The following FBXW7 variants were observed in gnomAD, a reference collection of about 807,000 sequenced individuals.
FBXW7 encodes the protein F-box/WD repeat-containing protein 7.
In FBXW7, 11 loss-of-function variants were observed where a neutral mutation model predicts 86.3. That is an observed-to-expected ratio of 0.13 (90% confidence interval 0.08 to 0.21). FBXW7 has a LOEUF of 0.21. FBXW7 is among the 10% of genes least tolerant of loss of function. FBXW7 has a pLI of 1.00. For synonymous variants in FBXW7, 313 were observed against 297.9 expected, an observed-to-expected ratio of 1.05 and a Z score of -0.52; for missense variants, 488 against 847.4, an observed-to-expected ratio of 0.58 and a Z score of 5.27.
intron 2 of FBXW7, among the ~76,000 whole-genome samples, chr4:152,467,535 A>G (rs909895926): frequency 2.0e-5 from 3 of 152,246 alleles, no homozygotes; most frequent in Non-Finnish European, 4.4e-5. Flanking sequence ...TCACAAGACT[A>G]ATATCAATAA....
At chr4:152,490,334 T>G (rs1465916077) in intron 2 of FBXW7, among the ~76,000 whole-genome samples, 1 of 152,154 alleles carries the variant, frequency 6.6e-6, no homozygotes, top group African/African-American at 2.4e-5. Flanking sequence ...TTTTATACTA[T>G]GTATATTTTG....
chr4:152,443,203 G>A (rs945930677), intron 2 of FBXW7, among the ~76,000 whole-genome samples: 7 of 152,040 alleles, frequency 4.6e-5, no homozygotes, highest in African/African-American at 1.4e-4. Flanking sequence ...CGGAGGTTGT[G>A]GTGAGCCGAA....
chr4:152,389,137 A>G lies in FBXW7; in HGVS notation c.501+22166T>C, dbSNP rs1735784372. ...TTATTAAAAAGACAAAAAATAATAGATGTTGGCGAGGATGTGGAGAAAAAG... is the reference window on the plus strand; with the variant it reads ...TTATTAAAAAGACAAAAAATAATAGGTGTTGGCGAGGATGTGGAGAAAAAG... On this transcript the variant is annotated intron_variant, in intron 4 of 13. Coordinates refer to ENST00000281708, the MANE Select transcript of FBXW7 (RefSeq NM_001349798.2). Among the ~76,000 whole-genome samples, 3 of 152,084 alleles carry G rather than the reference A, an allele frequency of 2.0e-5. No homozygotes were observed. In the South Asian group the frequency reaches 6.2e-4, roughly 32 times the overall value.
At chr4:152,520,035 T>C (rs554225562) in intron 2 of FBXW7, among the ~76,000 whole-genome samples, 6 of 152,328 alleles carry the variant, frequency 3.9e-5, no homozygotes, top group African/African-American at 1.4e-4. Context: ...ATTCAATACA[T>C]GGTAATAATA....
At chr4:152,395,055 T>C (rs2126821006) in intron 4 of FBXW7, among the ~76,000 whole-genome samples, 1 of 152,166 alleles carries the variant, frequency 6.6e-6, no homozygotes, top group South Asian at 2.1e-4. Flanking sequence ...TGCATAAGTG[T>C]GTGTGTGTGA....
At chr4:152,520,943 G>A (rs545419720) in intron 2 of FBXW7, among the ~76,000 whole-genome samples, 1 of 152,290 alleles carries the variant, frequency 6.6e-6, no homozygotes, top group South Asian at 2.1e-4. Context: ...AATATTTGCT[G>A]AACACCTATG....
At chr4:152,488,710 T>C (rs1745568780) in intron 2 of FBXW7, among the ~76,000 whole-genome samples, 2 of 151,384 alleles carry the variant, frequency 1.3e-5, no homozygotes, top group South Asian at 4.1e-4. Flanking sequence ...TATGTTTTAA[T>C]TAATTATTCT....
At chr4:152,429,166 G>A (rs765423044) in intron 2 of FBXW7, among the ~76,000 whole-genome samples, 11 of 152,090 alleles carry the variant, frequency 7.2e-5, no homozygotes, top group Non-Finnish European at 1.3e-4. Context: ...CTCCAGCATG[G>A]GCAACAAGAG....
intron 4 of FBXW7, among the ~76,000 whole-genome samples, chr4:152,373,616 ACTCCTCTGAT>A (rs1734203422): frequency 6.6e-6 from 1 of 151,818 alleles, no homozygotes; most frequent in Non-Finnish European, 1.5e-5. Flanking sequence ...TCCCTCTATC[ACTCCTCTGAT>A]CACCTACTTA....
intron 2 of FBXW7, among the ~76,000 whole-genome samples, chr4:152,508,958 A>G (rs528547923): frequency 6.6e-6 from 1 of 152,342 alleles, no homozygotes; most frequent in East Asian, 1.9e-4. Flanking sequence ...TCATTTTTGC[A>G]GTATTCTTAA....
intron 2 of FBXW7, among the ~76,000 whole-genome samples, chr4:152,487,654 T>C (rs924157902): frequency 5.3e-5 from 8 of 152,214 alleles, no homozygotes; most frequent in African/African-American, 1.9e-4. Context: ...ATATTTTTAA[T>C]TTATTTTAAA....
chr4:152,368,051 C>A (rs1191661164), intron 4 of FBXW7, among the ~76,000 whole-genome samples: 1 of 151,840 alleles, frequency 6.6e-6, no homozygotes, highest in African/African-American at 2.4e-5. Flanking sequence ...AGCTCTGAAT[C>A]CATGGCACTG....
intron 2 of FBXW7, among the ~76,000 whole-genome samples, chr4:152,490,802 A>G (rs1053025126): frequency 6.6e-6 from 1 of 152,162 alleles, no homozygotes; most frequent in Non-Finnish European, 1.5e-5. Context: ...GATTTTTTCT[A>G]TCTTTATTAC....
intron 2 of FBXW7, among the ~76,000 whole-genome samples, chr4:152,524,826 G>A (rs1749356910): frequency 6.6e-6 from 1 of 152,108 alleles, no homozygotes; most frequent in South Asian, 2.1e-4. Flanking sequence ...ATCCGCAGGG[G>A]GGAAAAATCC....
intron 2 of FBXW7, among the ~76,000 whole-genome samples, chr4:152,511,088 G>A (rs1471911202): frequency 6.8e-6 from 1 of 146,210 alleles, no homozygotes; most frequent in African/African-American, 2.5e-5. Context: ...ATGTTGCCCA[G>A]GCTGGTCTCA....
At chr4:152,450,283 G>A (rs1741792448) in intron 2 of FBXW7, among the ~76,000 whole-genome samples, 1 of 152,174 alleles carries the variant, frequency 6.6e-6, no homozygotes. Flanking sequence ...CCTGCTGGAG[G>A]TACTGTCTGC....
At chr4:152,498,167 T>A (rs1165139190) in intron 2 of FBXW7, among the ~76,000 whole-genome samples, 10 of 152,180 alleles carry the variant, frequency 6.6e-5, no homozygotes, top group African/African-American at 1.7e-4. Flanking sequence ...CCTTTCTTTG[T>A]ATCTTTGATT....
intron 2 of FBXW7, among the ~76,000 whole-genome samples, chr4:152,479,773 C>G (rs1744720091): frequency 6.6e-6 from 1 of 152,130 alleles, no homozygotes; most frequent in Admixed American, 6.6e-5. Flanking sequence ...AAGTGGCAAT[C>G]TATAGATCTA....
At chr4:152,365,730 C>T (rs574502904) in intron 4 of FBXW7, among the ~76,000 whole-genome samples, 3 of 152,216 alleles carry the variant, frequency 2.0e-5, no homozygotes, top group South Asian at 2.1e-4. Context: ...ATCTCATGCT[C>T]CAACTGGTTC....
Sources: gnomAD v4.1 joint callset for allele counts (sites outside exome capture counted in the v4.1 genomes callset) on GRCh38, gnomAD v4.1.1 for gene constraint, MANE v1.5 for transcripts, NCBI Gene and HGNC (gene_info 2026-07-23, HGNC 2026-07-21) for gene names.